The following CRTC1 variants were observed in gnomAD, a reference collection of about 807,000 sequenced individuals.
CRTC1 encodes CREB-regulated transcription coactivator 1.
A neutral mutation model predicts 66.1 loss-of-function variants in CRTC1; 18 were observed. The observed-to-expected ratio is 0.27, with a 90% CI of 0.19 to 0.40. The LOEUF (loss-of-function observed/expected upper bound fraction) is 0.40, where lower values mean the gene tolerates loss of function less well. CRTC1 is among the 10% of genes least tolerant of loss of function. The pLI, the probability that CRTC1 is intolerant of heterozygous loss-of-function variation, is 1.00. For missense variants in CRTC1, 669 were observed against 887.9 expected (o/e 0.75, Z 3.13); for synonymous variants, 416 against 398.8 (o/e 1.04, Z -0.51).
intron 1 of CRTC1, among the ~76,000 whole-genome samples, chr19:18,728,298 A>G (rs151326278): frequency 3.2e-4 from 48 of 152,260 alleles, no homozygotes; most frequent in Non-Finnish European, 5.3e-4. Context: ...GAAGAATTGT[A>G]CATTAGCCTC....
At chr19:18,707,191 G>A (rs909485910) in intron 1 of CRTC1, among the ~76,000 whole-genome samples, 1 of 152,200 alleles carries the variant, frequency 6.6e-6, no homozygotes, top group East Asian at 1.9e-4. Context: ...TAGCTTTTAT[G>A]GTTTTAGTTA....
chr19:18,770,476 G>A (rs78533988), intron 10 of CRTC1, among the ~76,000 whole-genome samples: 4 of 152,260 alleles, frequency 2.6e-5, no homozygotes, highest in Admixed American at 2.6e-4. Context: ...TGCAGACTTA[G>A]GGGCTTAGAG....
At chr19:18,736,899 G>A (rs1252275357) in intron 1 of CRTC1, among the ~76,000 whole-genome samples, 3 of 152,192 alleles carry the variant, frequency 2.0e-5, no homozygotes, top group Non-Finnish European at 2.9e-5. Flanking sequence ...AAGGCTGGCC[G>A]GTCTGCAGAG....
intron 1 of CRTC1, among the ~76,000 whole-genome samples, chr19:18,686,718 A>G (rs1236404865): frequency 2.0e-5 from 3 of 151,914 alleles, no homozygotes; most frequent in Non-Finnish European, 4.4e-5. Context: ...ACCATTTCCC[A>G]TCTTCCTCAT....
chr19:18,765,678 A>G, intron 9 of CRTC1, 150 bp downstream of exon 9: 1 of 812,112 alleles, frequency 1.2e-6, no homozygotes, highest in Non-Finnish European at 1.8e-6. Context: ...TCAAATTTTC[A>G]AGCCGGGTGC....
chr19:18,721,459 C>G (rs1291687114), intron 1 of CRTC1, among the ~76,000 whole-genome samples: 1 of 145,700 alleles, frequency 6.9e-6, no homozygotes, highest in South Asian at 2.2e-4. Flanking sequence ...TCCCAAAGTG[C>G]TGGGATTACA....
chr19:18,698,619 TGTGCTCAGCAG>T (rs1178264254), intron 1 of CRTC1, among the ~76,000 whole-genome samples: 1 of 151,212 alleles, frequency 6.6e-6, no homozygotes, highest in Non-Finnish European at 1.5e-5. Context: ...AGGCGCAGTG[TGTGCTCAGCAG>T]GTGCTCAGCA....
intron 1 of CRTC1, among the ~76,000 whole-genome samples, chr19:18,685,820 A>G (rs2145442792): frequency 6.6e-6 from 1 of 152,236 alleles, no homozygotes; most frequent in African/African-American, 2.4e-5. Flanking sequence ...GTGTGACCGG[A>G]AGAAAGGGGT....
At chr19:18,755,136 G>A (rs559178656) in intron 6 of CRTC1, among the ~76,000 whole-genome samples, 1 of 151,914 alleles carries the variant, frequency 6.6e-6, no homozygotes. Context: ...TCACAGGCGT[G>A]TGCCACCACA....
intron 1 of CRTC1, among the ~76,000 whole-genome samples, chr19:18,710,204 C>A (rs1384994747): frequency 6.6e-6 from 1 of 152,212 alleles, no homozygotes; most frequent in Non-Finnish European, 1.5e-5. Flanking sequence ...GCCCCACTCA[C>A]TCGGAAGTCT....
rs749842746 is a variant in CRTC1, at chr19:18,749,863, C to T, written c.526C>T (p.His176Tyr). Reference sequence around the variant, plus strand: ...CTTTAGCAGTGGGTCCCAGGACGTGCACCAGAAAAGAGGTATGGACAGGGG... The same window carrying T: ...CTTTAGCAGTGGGTCCCAGGACGTGTACCAGAAAAGAGGTATGGACAGGGG... ...ESFSSGSQDVHQKRVLLLTVP... is the reference protein window; with the variant it reads ...ESFSSGSQDVYQKRVLLLTVP... Residue 176 changes from histidine to tyrosine, a missense_variant, in exon 5 of 14, where the codon CAC becomes TAC. Around this residue, in one of 8 missense-constraint regions of CRTC1, gnomAD observed 214 missense variants for 323.4 expected, o/e 0.66. Coordinates refer to ENST00000321949, the MANE Select transcript of CRTC1 (RefSeq NM_015321.3). The T allele has an allele frequency of 3.1e-6, 5 of 1,613,794 alleles. No individual in the cohort carries two copies. The highest frequency in any genetic ancestry group is 4.2e-6 in the Non-Finnish European group (5 of 1,179,758).
In CRTC1 at chr19:18,780,570, T is replaced by G. The variant is rs1020432488; in HGVS notation, c.*3188T>G. On this transcript the variant is annotated 3_prime_UTR_variant, in exon 14 of 14. Transcript: ENST00000321949. ...CCCCTAGCCAGGAGGGCCCCCCATGTCCATCCATCCCTCCTGCTGGGGCTT... is the reference window on the plus strand; with the variant it reads ...CCCCTAGCCAGGAGGGCCCCCCATGGCCATCCATCCCTCCTGCTGGGGCTT... The G allele has an allele frequency of 4.3e-6, 1 of 230,688 alleles. No homozygotes were observed. Among genetic ancestry groups the G allele is most frequent in the Non-Finnish European group, 8.6e-6 (1 of 116,458 alleles). The allele number at this position is 230,688 out of a possible 1,614,324, so 14.3% of individuals were successfully genotyped here. A position where few individuals can be genotyped will look rare whatever the true frequency, so the allele number is the denominator to read the frequency against.
At chr19:18,742,459 C>T (rs2054132358) in intron 1 of CRTC1, among the ~76,000 whole-genome samples, 1 of 152,218 alleles carries the variant, frequency 6.6e-6, no homozygotes, top group South Asian at 2.1e-4. Flanking sequence ...AGGCCATCAC[C>T]ACGCTTCTGA....
Position 18,771,556 on chromosome 19 carries a change from G to C in CRTC1, c.1425+10G>C, listed in dbSNP as rs373366550. On this transcript the variant is annotated intron_variant, in intron 11 of 13. Coordinates refer to ENST00000321949, the MANE Select transcript of CRTC1 (RefSeq NM_015321.3). The surrounding 1 kb of genome is among the most constrained non-coding windows in gnomAD (Gnocchi z 4.6). The stretch of plus-strand genomic sequence containing the variant: ...AGGGAGCTCCCCGCAAGTAAGGGGC[G>C]CCGCCTCCCCCTTGGCCTGTGGGCT... 9.4e-6 allele frequency: 15 copies of C among 1,602,396 alleles called. No individual in the cohort carries two copies. Among genetic ancestry groups the C allele is most frequent in the Non-Finnish European group, 1.1e-5 (13 of 1,172,136 alleles).
intron 1 of CRTC1, among the ~76,000 whole-genome samples, chr19:18,699,252 G>T (rs150354750): frequency 1.3e-5 from 2 of 152,362 alleles, no homozygotes; most frequent in East Asian, 1.9e-4. Context: ...CCTGGGAGGG[G>T]TGTGCGGGGT....
At chr19:18,743,466 C>T (rs79633485) in intron 2 of CRTC1, among the ~76,000 whole-genome samples, 26,927 of 152,300 alleles carry the variant, frequency 0.18, 2,513 homozygotes, top group East Asian at 0.3. Context: ...GCACAGCCGC[C>T]GTGCACAGCC....
chr19:18,730,615 T>C (rs1051095824), intron 1 of CRTC1, among the ~76,000 whole-genome samples: 26 of 152,226 alleles, frequency 1.7e-4, no homozygotes, highest in Non-Finnish European at 2.8e-4. Context: ...CTGCTCCCTG[T>C]GTCCAGCCTC....
At chr19:18,726,269 T>C (rs1568501677) in intron 1 of CRTC1, among the ~76,000 whole-genome samples, 1 of 152,224 alleles carries the variant, frequency 6.6e-6, no homozygotes, top group Non-Finnish European at 1.5e-5. Context: ...CAGAGCCCCA[T>C]GCATTTCCAG....
intron 6 of CRTC1, among the ~76,000 whole-genome samples, chr19:18,754,703 G>A (rs1400728161): frequency 6.6e-6 from 1 of 152,234 alleles, no homozygotes; most frequent in African/African-American, 2.4e-5. Flanking sequence ...CCCTCGAGGA[G>A]ATAAGATTCT....
Sources: allele counts gnomAD v4.1 joint callset (sites outside exome capture counted in the v4.1 genomes callset), GRCh38; gene constraint gnomAD v4.1.1; regional missense constraint gnomAD v4.1.1; non-coding constraint Gnocchi (gnomAD v3.1); transcripts MANE v1.5; gene names NCBI Gene and HGNC (gene_info 2026-07-23, HGNC 2026-07-21).